The following CDH12 variants were observed in gnomAD, a reference collection of about 807,000 sequenced individuals.
The protein encoded by CDH12 is cadherin 12, also known as cadherin-12.
In CDH12, 41 loss-of-function variants were observed where a neutral mutation model predicts 74.1. The ratio of observed to expected loss-of-function variants is 0.55; its 90% confidence interval spans 0.43 to 0.72. The LOEUF is 0.72. Ranked by LOEUF, CDH12 falls within the 30% of genes least tolerant of loss-of-function variation. The pLI, the probability that CDH12 is intolerant of heterozygous loss-of-function variation, is 0.00. For synonymous variants in CDH12, 399 were observed against 355.0 expected (o/e 1.12, Z -1.39); for missense variants, 945 against 977.2 (o/e 0.97, Z 0.44).
chr5:22,778,021 C>A (rs530603054), intron 1 of CDH12, among the ~76,000 whole-genome samples: 1 of 152,050 alleles, frequency 6.6e-6, no homozygotes, highest in Non-Finnish European at 1.5e-5. Context: ...GCCAGGCTGG[C>A]CTCGAACTCC....
intron 8 of CDH12, among the ~76,000 whole-genome samples, chr5:21,828,185 G>A (rs1748789240): frequency 2.6e-5 from 4 of 151,284 alleles, no homozygotes; most frequent in Admixed American, 2.6e-4. Flanking sequence ...TGCAGTGACA[G>A]GATCTCATCT....
At chr5:22,612,610 G>A (rs867108894) in intron 1 of CDH12, among the ~76,000 whole-genome samples, 11 of 152,034 alleles carry the variant, frequency 7.2e-5, no homozygotes, top group Middle Eastern at 3.4e-3. Flanking sequence ...TCCTCATTCC[G>A]TACTGTAAAG....
At chr5:21,825,552 A>G (rs10036179) in intron 8 of CDH12, among the ~76,000 whole-genome samples, 131,771 of 151,934 alleles carry the variant, frequency 0.87, 57,411 homozygotes, top group South Asian at 0.91. Context: ...AGTTACCCCC[A>G]TCATTTTCTT....
At chr5:22,386,582 C>T (rs937717241) in intron 3 of CDH12, among the ~76,000 whole-genome samples, 2 of 151,694 alleles carry the variant, frequency 1.3e-5, no homozygotes, top group Admixed American at 6.6e-5. Flanking sequence ...AAATATATGC[C>T]CATAAAAAAA....
intron 4 of CDH12, among the ~76,000 whole-genome samples, chr5:22,091,338 C>A (rs1480038182): frequency 2.7e-5 from 4 of 148,414 alleles, no homozygotes; most frequent in African/African-American, 9.9e-5. Flanking sequence ...TGTTAGAGGC[C>A]TGGCAGCATA....
rs577682682 is a variant in CDH12, at chr5:21,768,171, C to T, written c.1394-3072G>A. ...TCTTACACAATTAAGTGTTAAGTTCCCAATAGTGAAACCATTTAAATTCCA... is the reference window on the plus strand; with the variant it reads ...TCTTACACAATTAAGTGTTAAGTTCTCAATAGTGAAACCATTTAAATTCCA... On this transcript the variant is annotated intron_variant, in intron 11 of 14. Coordinates refer to ENST00000382254, the MANE Select transcript of CDH12 (RefSeq NM_004061.5). 2.0e-5 allele frequency among the ~76,000 whole-genome samples: 3 copies of T among 151,666 alleles called. No homozygotes were observed. The East Asian group carries it at 5.8e-4, about 29-fold the overall frequency.
intron 6 of CDH12, among the ~76,000 whole-genome samples, chr5:21,865,341 C>T (rs1034564835): frequency 1.3e-5 from 2 of 152,074 alleles, no homozygotes; most frequent in African/African-American, 4.8e-5. Context: ...TGAGATCAAA[C>T]TAAGGGGGTG....
chr5:22,095,642 C>A (rs2150243422), intron 4 of CDH12, among the ~76,000 whole-genome samples: 1 of 151,794 alleles, frequency 6.6e-6, no homozygotes, highest in East Asian at 2.0e-4. Flanking sequence ...GCAAGTACTG[C>A]TTTTCTAGGG....
chr5:22,152,664 A>G (rs1478552034), intron 4 of CDH12, among the ~76,000 whole-genome samples: 3 of 152,218 alleles, frequency 2.0e-5, no homozygotes, highest in African/African-American at 7.2e-5. Flanking sequence ...TTTTCCAAGA[A>G]TACAATATAT....
intron 3 of CDH12, among the ~76,000 whole-genome samples, chr5:22,299,442 T>A (rs1312545145): frequency 1.3e-5 from 2 of 152,156 alleles, no homozygotes; most frequent in Non-Finnish European, 2.9e-5. Flanking sequence ...TTTGTAAAAA[T>A]TATAAAATTA....
At chr5:22,304,927 T>C (rs1434603654) in intron 3 of CDH12, among the ~76,000 whole-genome samples, 1 of 152,222 alleles carries the variant, frequency 6.6e-6, no homozygotes, top group Admixed American at 6.5e-5. Flanking sequence ...CAATTTGGAC[T>C]TGTCTGCTGT....
chr5:22,757,736 G>T (rs115848126), intron 1 of CDH12, among the ~76,000 whole-genome samples: 70 of 152,248 alleles, frequency 4.6e-4, no homozygotes, highest in African/African-American at 1.7e-3. Flanking sequence ...TGGATTGTCA[G>T]CTTTGTCCTC....
In CDH12 at chr5:21,942,334, G is replaced by GTATATATA. The variant is rs761850084; in HGVS notation, c.526+32749_526+32756dup. Reference sequence around the variant, plus strand: ...CTCCAGCCACTATGAGACAAATACAGTATATATATATATACACACACACAC... The same window carrying GTATATATA: ...CTCCAGCCACTATGAGACAAATACAGTATATATATATATATATATATACACACACACAC... On this transcript the variant is annotated intron_variant, in intron 6 of 14. Transcript: ENST00000382254. Among the ~76,000 whole-genome samples the GTATATATA allele has an allele frequency of 8.4e-3, 902 of 106,958 alleles. 15 individuals are homozygous for GTATATATA. Among genetic ancestry groups the GTATATATA allele is most frequent in the African/African-American group, 0.034 (740 of 21,632 alleles). 70.2% of individuals were successfully genotyped at this position (106,958 alleles called of 152,430 possible).
At chr5:21,931,457 A>C (rs984148116) in intron 6 of CDH12, among the ~76,000 whole-genome samples, 1 of 152,164 alleles carries the variant, frequency 6.6e-6, no homozygotes, top group Non-Finnish European at 1.5e-5. Context: ...AGGTAGCATG[A>C]ACTAATGGAT....
chr5:21,844,196 T>G (rs967097245), intron 7 of CDH12, among the ~76,000 whole-genome samples: 5 of 152,108 alleles, frequency 3.3e-5, no homozygotes, highest in Admixed American at 1.3e-4. Context: ...ATGCAATCAT[T>G]TTTTGCTTAA....
At chr5:21,791,512 C>G (rs1251614727) in intron 10 of CDH12, among the ~76,000 whole-genome samples, 1 of 151,712 alleles carries the variant, frequency 6.6e-6, no homozygotes, top group Non-Finnish European at 1.5e-5. Flanking sequence ...GTAATTTGGC[C>G]TAACAGATGA....
intron 5 of CDH12, among the ~76,000 whole-genome samples, chr5:21,989,030 C>G (rs188489143): frequency 1.9e-4 from 29 of 151,850 alleles, no homozygotes; most frequent in African/African-American, 7.0e-4. Flanking sequence ...GACGTTATAG[C>G]CATTTTAATG....
intron 5 of CDH12, among the ~76,000 whole-genome samples, chr5:22,000,700 GATTATTAC>G (rs1736553385): frequency 6.6e-6 from 1 of 152,104 alleles, no homozygotes; most frequent in Non-Finnish European, 1.5e-5. Context: ...AAGAATTAAA[GATTATTAC>G]ATTCTGTCTT....
chr5:22,763,876 A>G (rs772748676), intron 1 of CDH12, among the ~76,000 whole-genome samples: 17 of 152,080 alleles, frequency 1.1e-4, no homozygotes, highest in Non-Finnish European at 2.1e-4. Context: ...GTGTTTGTGA[A>G]TGAATAATAA....
Sources: allele counts gnomAD v4.1 joint callset (sites outside exome capture counted in the v4.1 genomes callset), GRCh38; gene constraint gnomAD v4.1.1; transcripts MANE v1.5; gene names NCBI Gene and HGNC (gene_info 2026-07-23, HGNC 2026-07-21).